Variants in OSBP2 observed in about 807,000 individuals in gnomAD.
OSBP2 encodes the protein oxysterol-binding protein 2.
OSBP2 carries 66 observed loss-of-function variants against 96.0 expected under a neutral mutation model. The ratio of observed to expected loss-of-function variants is 0.69; its 90% CI spans 0.56 to 0.84. The LOEUF (loss-of-function observed/expected upper bound fraction) is 0.84, where lower values mean the gene tolerates loss of function less well. OSBP2 is among the 40% of genes least tolerant of loss of function. The probability of loss-of-function intolerance (pLI) is 0.00; values close to 1 mark genes in which losing one functional copy is unlikely to be tolerated. For synonymous variants in OSBP2, 525 were observed against 520.9 expected, an observed-to-expected ratio of 1.01 and a Z score of -0.11; for missense variants, 1,038 against 1,222.7, an observed-to-expected ratio of 0.85 and a Z score of 2.25.
Position 30,725,175 on chromosome 22 carries a change from C to CAA in OSBP2, c.645-15982_645-15981dup, listed in dbSNP as rs373104187. Among the ~76,000 whole-genome samples the CAA allele has an allele frequency of 1.0e-3, 122 of 120,744 alleles. 5 individuals carry two copies. Among genetic ancestry groups the CAA allele is most frequent in the South Asian group, 2.9e-3 (10 of 3,448 alleles). The allele number at this position is 120,744 out of a possible 152,430, so 79.2% of individuals were successfully genotyped here. A position where few individuals can be genotyped will look rare whatever the true frequency, so the allele number is the denominator to read the frequency against. ...TGGGTGACAGAGCAAGACTCTGTCT[C>CAA]AAAAACAAAAAAACAAAAAAACAAA... On this transcript the variant is annotated intron_variant, in intron 1 of 13. Coordinates refer to ENST00000332585, the MANE Select transcript of OSBP2 (RefSeq NM_030758.4).
intron 12 of OSBP2, among the ~76,000 whole-genome samples, chr22:30,901,234 A>G (rs779102160): frequency 1.2e-4 from 18 of 151,952 alleles, no homozygotes; most frequent in Non-Finnish European, 2.1e-4. Flanking sequence ...ACGCCCGACT[A>G]ATTTTTGTAT....
At chr22:30,702,163 C>T (rs1338555092) in intron 1 of OSBP2, among the ~76,000 whole-genome samples, 3 of 152,198 alleles carry the variant, frequency 2.0e-5, no homozygotes, top group Non-Finnish European at 4.4e-5. Context: ...CCTCTAGCTC[C>T]TCCTCTCCAT....
intron 12 of OSBP2, chr22:30,902,492 T>C: frequency 6.4e-7 from 1 of 1,574,360 alleles, no homozygotes; most frequent in Non-Finnish European, 8.7e-7. Flanking sequence ...AGAAAAGGTG[T>C]ACCAGATGAC....
intron 2 of OSBP2, among the ~76,000 whole-genome samples, chr22:30,768,207 G>T (rs2090302000): frequency 6.6e-6 from 1 of 152,136 alleles, no homozygotes; most frequent in Admixed American, 6.5e-5. Context: ...GGGGGTGACA[G>T]CATTTGTTCT....
At chr22:30,875,218 A>AC (rs1216555514) in intron 3 of OSBP2, among the ~76,000 whole-genome samples, 2 of 151,228 alleles carry the variant, frequency 1.3e-5, no homozygotes, top group South Asian at 2.1e-4. Flanking sequence ...TGCACCCCGC[A>AC]CCCCCCTGCA....
chr22:30,836,252 C>A (rs1418520187), intron 2 of OSBP2, among the ~76,000 whole-genome samples: 1 of 152,102 alleles, frequency 6.6e-6, no homozygotes, highest in Non-Finnish European at 1.5e-5. Context: ...AGTTCAAGTC[C>A]CCCTGCTCGC....
Position 30,695,521 on chromosome 22 carries a change from C to T in OSBP2, c.612C>T (p.Phe204=), listed in dbSNP as rs766552778. Residue 204 remains phenylalanine, a synonymous_variant, in exon 1 of 14, where the codon TTC becomes TTT. Coordinates refer to ENST00000332585, the MANE Select transcript of OSBP2 (RefSeq NM_030758.4). ...TGAAGGGCTACCAGCGCCGCTGGTT[C>T]GTGCTGGGCAATGGTTTGCTCTCTT... The part of the protein sequence containing the change: ...NYLKGYQRRW[F]VLGNGLLSYY... 5 of 1,611,544 alleles carry T rather than the reference C, an allele frequency of 3.1e-6. No homozygotes were observed. The highest frequency in any genetic ancestry group is 4.5e-5 in the East Asian group (2 of 44,880).
chr22:30,896,796 C>T (rs1302387197), intron 12 of OSBP2, among the ~76,000 whole-genome samples: 1 of 152,056 alleles, frequency 6.6e-6, no homozygotes. Context: ...CAGGCATGCA[C>T]CACCATGCCT....
At chr22:30,812,552 A>G (rs1208272353) in intron 2 of OSBP2, among the ~76,000 whole-genome samples, 2 of 152,184 alleles carry the variant, frequency 1.3e-5, no homozygotes, top group Non-Finnish European at 2.9e-5. Flanking sequence ...GATTCTTCAC[A>G]TGTTGTTACT....
Position 30,893,548 on chromosome 22 carries a change from C to A in OSBP2, c.2076C>A (p.Gly692=). 6.2e-7 allele frequency: 1 copy of A among 1,614,106 alleles called. No homozygotes were observed. The part of the protein sequence containing the change: ...STSTVHNIIV[G]KLWIDQSGDI... ...CAACTGTTCACAACATCATCGTGGG[C>A]AAGCTCTGGATCGACCAGGTCAGGG... Residue 692 remains glycine (G), a synonymous_variant, in exon 10 of 14, where the codon GGC becomes GGA. Coordinates refer to ENST00000332585, the MANE Select transcript of OSBP2 (RefSeq NM_030758.4).
At position 30,741,343 on chromosome 22, in the gene OSBP2, C is replaced by CTG; in HGVS notation, c.829_830dup (p.Arg278SerfsTer3). On this transcript the variant is annotated frameshift_variant, in exon 2 of 14. Transcript: ENST00000332585. LOFTEE classifies it high-confidence loss of function. Reference sequence around the variant, plus strand: ...GCCCTGGAGCTGGCCAAGGCCAAGGCTGTCCGCGTGATGAACACTCATTCA... The same window carrying CTG: ...GCCCTGGAGCTGGCCAAGGCCAAGGCTGTGTCCGCGTGATGAACACTCATTCA... 6.2e-7 allele frequency: 1 copy of CTG among 1,611,592 alleles called. No individual in the cohort carries two copies. The highest frequency in any genetic ancestry group is 8.5e-7 in the Non-Finnish European group (1 of 1,179,770).
At chr22:30,709,516 T>G (rs551570668) in intron 1 of OSBP2, among the ~76,000 whole-genome samples, 2 of 152,032 alleles carry the variant, frequency 1.3e-5, no homozygotes, top group Admixed American at 1.3e-4. Flanking sequence ...TTTTGTTTGT[T>G]TGTTTTTTGT....
At chr22:30,815,053 G>A (rs136235) in intron 2 of OSBP2, among the ~76,000 whole-genome samples, 29,346 of 152,158 alleles carry the variant, frequency 0.19, 2,982 homozygotes, top group Non-Finnish European at 0.23. Context: ...AGGCCAAGGC[G>A]GGAGGATGGC....
chr22:30,870,538 C>T lies in OSBP2; in HGVS notation c.963C>T (p.Asp321=), dbSNP rs769405226. The stretch of plus-strand genomic sequence containing the variant: ...TAGATGACCTCAGCACGTGCAATGA[C>T]CTCATCGCCAAGCACGGCGCTGCAC... The part of the protein sequence containing the change: ...LKLDDLSTCN[D]LIAKHGAALQ... The change falls in exon 3 of 14, where the codon GAC becomes GAT. Residue 321 remains aspartate (D), a synonymous_variant. Coordinates refer to ENST00000332585, the MANE Select transcript of OSBP2 (RefSeq NM_030758.4). This position sits in a 1 kb window ranked among gnomAD's most constrained non-coding sequence, Gnocchi z 4.1. 6.2e-7 allele frequency: 1 copy of T among 1,613,992 alleles called. No homozygotes were observed. Among genetic ancestry groups the T allele is most frequent in the Admixed American group, 1.7e-5 (1 of 60,004 alleles).
At chr22:30,780,148 C>G (rs73884436) in intron 2 of OSBP2, among the ~76,000 whole-genome samples, 7,029 of 152,330 alleles carry the variant, frequency 0.046, 550 homozygotes, top group African/African-American at 0.16. Flanking sequence ...CCCACAGCCC[C>G]GGGCGAGCAG....
intron 1 of OSBP2, among the ~76,000 whole-genome samples, chr22:30,701,585 C>T (rs960045091): frequency 6.6e-6 from 1 of 151,954 alleles, no homozygotes; most frequent in Non-Finnish European, 1.5e-5. Context: ...CCTTGTGATC[C>T]GCCCGCCTCG....
chr22:30,851,834 T>C (rs4820907), intron 2 of OSBP2, among the ~76,000 whole-genome samples: 98,343 of 151,984 alleles, frequency 0.65, 33,811 homozygotes, highest in African/African-American at 0.9. Flanking sequence ...AGTTCCTCCT[T>C]CTTCCTAGTT....
intron 1 of OSBP2, among the ~76,000 whole-genome samples, chr22:30,717,433 C>T (rs2089480801): frequency 6.6e-6 from 1 of 152,080 alleles, no homozygotes; most frequent in South Asian, 2.1e-4. Context: ...AAAATCAAGG[C>T]CTTTTGAAAA....
At chr22:30,701,993 C>T (rs1249642543) in intron 1 of OSBP2, among the ~76,000 whole-genome samples, 1 of 152,178 alleles carries the variant, frequency 6.6e-6, no homozygotes, top group Admixed American at 6.6e-5. Flanking sequence ...ACATTCTTAG[C>T]AAGTTCTAGT....
Sources: allele counts gnomAD v4.1 joint callset (sites outside exome capture counted in the v4.1 genomes callset), GRCh38; gene constraint gnomAD v4.1.1; non-coding constraint Gnocchi (gnomAD v3.1); transcripts MANE v1.5; gene names NCBI Gene and HGNC (gene_info 2026-07-23, HGNC 2026-07-21).